The following XKR4 variants were observed in gnomAD, a reference collection of about 807,000 sequenced individuals.
XKR4 encodes XK-related protein 4.
Under a neutral mutation model 53.9 loss-of-function variants are expected in XKR4, and 12 were observed. The ratio of observed to expected loss-of-function variants is 0.22; its 90% confidence interval spans 0.14 to 0.36. The LOEUF (loss-of-function observed/expected upper bound fraction) is 0.36, where lower values mean the gene tolerates loss of function less well. Among genes scored for constraint, XKR4 ranks in the 10% least tolerant of loss-of-function variants. The probability of loss-of-function intolerance (pLI) is 1.00; values close to 1 mark genes in which losing one functional copy is unlikely to be tolerated. For synonymous variants in XKR4, 354 were observed against 362.4 expected (o/e 0.98, Z 0.26); for missense variants, 799 against 859.5 (o/e 0.93, Z 0.88).
At chr8:55,176,586 G>A (rs769164827) in intron 1 of XKR4, among the ~76,000 whole-genome samples, 1 of 152,136 alleles carries the variant, frequency 6.6e-6, no homozygotes, top group African/African-American at 2.4e-5. Flanking sequence ...CACCAGACAC[G>A]CACAAGACAT....
intron 1 of XKR4, among the ~76,000 whole-genome samples, chr8:55,185,958 T>C (rs1585926162): frequency 6.6e-6 from 1 of 152,158 alleles, no homozygotes; most frequent in Non-Finnish European, 1.5e-5. Context: ...AAACCTAAAA[T>C]TGATCATAAA....
chr8:55,389,439 C>T (rs1485996821), intron 2 of XKR4, among the ~76,000 whole-genome samples: 1 of 151,982 alleles, frequency 6.6e-6, no homozygotes, highest in African/African-American at 2.4e-5. Flanking sequence ...TAATATTTTA[C>T]AATAAAGAGC....
At chr8:55,413,311 C>T (rs1000457314) in intron 2 of XKR4, among the ~76,000 whole-genome samples, 8 of 152,178 alleles carry the variant, frequency 5.3e-5, no homozygotes, top group African/African-American at 1.9e-4. Context: ...CAACCTCCAC[C>T]TCACGGGCTC....
intron 2 of XKR4, among the ~76,000 whole-genome samples, chr8:55,499,651 T>C (rs1337786883): frequency 7.9e-5 from 12 of 152,158 alleles, no homozygotes. Context: ...AACTGAGACT[T>C]GCAAAGATGA....
At chr8:55,274,725 G>C (rs1818741121) in intron 1 of XKR4, among the ~76,000 whole-genome samples, 1 of 152,118 alleles carries the variant, frequency 6.6e-6, no homozygotes, top group African/African-American at 2.4e-5. Flanking sequence ...GAGCCACCGT[G>C]CCTGGCCAAA....
intron 2 of XKR4, among the ~76,000 whole-genome samples, chr8:55,500,192 AAAAAAAAAAAAAAC>A (rs1323971891): frequency 6.9e-3 from 263 of 37,900 alleles, no homozygotes; most frequent in African/African-American, 0.011. Context: ...AAAAAAAAAA[AAAAAAAAAAAAAAC>A]AATGTAACAA....
intron 1 of XKR4, among the ~76,000 whole-genome samples, chr8:55,206,491 T>TC (rs1817653212): frequency 1.3e-5 from 2 of 152,218 alleles, no homozygotes; most frequent in Admixed American, 1.3e-4. Flanking sequence ...ATGTAAAATT[T>TC]CCTTCATCCA....
At chr8:55,351,101 A>C (rs953892900) in intron 1 of XKR4, among the ~76,000 whole-genome samples, 1 of 152,196 alleles carries the variant, frequency 6.6e-6, no homozygotes, top group Non-Finnish European at 1.5e-5. Context: ...ATGTTTGCAC[A>C]GCAATGTGAT....
At chr8:55,174,514 T>A (rs761603792) in intron 1 of XKR4, among the ~76,000 whole-genome samples, 2 of 152,108 alleles carry the variant, frequency 1.3e-5, no homozygotes, top group African/African-American at 4.8e-5. Context: ...CATTTAACAG[T>A]GCTTGATGAA....
At chr8:55,462,377 C>A (rs1254678793) in intron 2 of XKR4, among the ~76,000 whole-genome samples, 1 of 152,070 alleles carries the variant, frequency 6.6e-6, no homozygotes, top group East Asian at 1.9e-4. Context: ...CCAAACTAAG[C>A]TTCATAAGTG....
intron 2 of XKR4, among the ~76,000 whole-genome samples, chr8:55,498,431 G>C (rs764336373): frequency 2.0e-5 from 3 of 152,178 alleles, no homozygotes; most frequent in Non-Finnish European, 4.4e-5. Flanking sequence ...CAGGCACCGA[G>C]CGCATCCTAG....
chr8:55,314,938 G>A (rs1257176783), intron 1 of XKR4, among the ~76,000 whole-genome samples: 1 of 152,204 alleles, frequency 6.6e-6, no homozygotes, highest in Non-Finnish European at 1.5e-5. Context: ...GGACTGTGTT[G>A]GAGCCATGCT....
Position 55,523,582 on chromosome 8 carries a change from G to C in XKR4, c.1308G>C (p.Val436=), listed in dbSNP as rs1357843270. 6.2e-7 allele frequency: 1 copy of C among 1,614,200 alleles called. No homozygotes were observed. Among genetic ancestry groups the C allele is most frequent in the Non-Finnish European group, 8.5e-7 (1 of 1,180,042 alleles). The change falls in exon 3 of 3, where the codon GTG becomes GTC. Residue 436 remains valine, a synonymous_variant. Coordinates refer to ENST00000327381, the MANE Select transcript of XKR4 (RefSeq NM_052898.2). ...GGGAAGAGATTGTGTTCGACATGGT[G>C]GTGGGGATTATCTATATCTTCAGTT... is the stretch of plus-strand genomic sequence containing the variant. ...TKWEEIVFDM[V]VGIIYIFSWF...
chr8:55,269,488 C>T (rs541025898), intron 1 of XKR4, among the ~76,000 whole-genome samples: 1 of 152,100 alleles, frequency 6.6e-6, no homozygotes, highest in Non-Finnish European at 1.5e-5. Flanking sequence ...TAAAAATATA[C>T]ATTTATATGC....
chr8:55,168,241 C>G (rs1048412098), intron 1 of XKR4, among the ~76,000 whole-genome samples: 1 of 152,144 alleles, frequency 6.6e-6, no homozygotes, highest in African/African-American at 2.4e-5. Flanking sequence ...AAGTGGGACC[C>G]TGAGTAGAAG....
At chr8:55,455,590 C>G (rs1805558305) in intron 2 of XKR4, among the ~76,000 whole-genome samples, 1 of 152,162 alleles carries the variant, frequency 6.6e-6, no homozygotes, top group Admixed American at 6.5e-5. Context: ...GCTTTTCCAG[C>G]TCAAGTTTAC....
At chr8:55,197,242 T>A (rs981844029) in intron 1 of XKR4, among the ~76,000 whole-genome samples, 1 of 152,150 alleles carries the variant, frequency 6.6e-6, no homozygotes, top group Admixed American at 6.5e-5. Flanking sequence ...ATAATCTGAT[T>A]CTCTCCTGCT....
chr8:55,287,844 AAAG>A (rs1177912700), intron 1 of XKR4, among the ~76,000 whole-genome samples: 10 of 152,302 alleles, frequency 6.6e-5, no homozygotes, highest in South Asian at 4.1e-4. Flanking sequence ...AAAATTTTAA[AAAG>A]AAGGTTTCCT....
rs762471176 is a variant in XKR4, at chr8:55,524,202, G to A, written c.1928G>A (p.Arg643Gln). 3.7e-6 allele frequency: 6 copies of A among 1,613,688 alleles called. No individual in the cohort carries two copies. The highest frequency in any genetic ancestry group is 1.6e-4 in the Middle Eastern group (1 of 6,084). The change falls in exon 3 of 3, where the codon CGG (arginine) becomes CAG (glutamine). Residue 643 changes from arginine to glutamine, a missense_variant. By Grantham distance (43) the Arg-to-Gln change is conservative. This residue lies in a region of XKR4 where 269 missense variants were observed against 264.4 expected (regional missense o/e 1.02). Coordinates refer to ENST00000327381, the MANE Select transcript of XKR4 (RefSeq NM_052898.2). ...QYKDDALIQE[R>Q]LEYETTL ...AAAGATGATGCCCTTATTCAGGAGC[G>A]GTTGGAGTACGAAACCACTTTATAA...
Sources: allele counts gnomAD v4.1 joint callset (sites outside exome capture counted in the v4.1 genomes callset), GRCh38; gene constraint gnomAD v4.1.1; regional missense constraint gnomAD v4.1.1; transcripts MANE v1.5; gene names NCBI Gene and HGNC (gene_info 2026-07-23, HGNC 2026-07-21).